Variants in DPRX observed in about 807,000 individuals in gnomAD.
DPRX encodes the protein divergent-paired related homeobox, also known as divergent paired-related homeobox.
A neutral mutation model predicts 8.4 loss-of-function variants in DPRX; 11 were observed. The observed-to-expected ratio is 1.31, with a 90% CI of 0.82 to 2.17. The LOEUF is 2.17. Among genes scored for constraint, DPRX ranks in the 30% most tolerant of loss-of-function variants. DPRX has a pLI of 0.00. For synonymous variants in DPRX, 72 were observed against 87.0 expected (o/e 0.83, Z 0.96); for missense variants, 211 against 236.7 (o/e 0.89, Z 0.71).
At chr19:53,621,968 G>A in the DPRX span, among the ~76,000 whole-genome samples, 3 of 151,982 alleles carry the variant, frequency 2.0e-5, no homozygotes, top group African/African-American at 4.8e-5. Flanking sequence ...CCCCCACGTC[G>A]TCTACATTTC....
the DPRX span, chr19:53,616,746 C>T: frequency 1.4e-5 from 20 of 1,412,944 alleles, no homozygotes; most frequent in Non-Finnish European, 1.7e-5. Flanking sequence ...AAGAGCGAAA[C>T]TCTGTCTCAA....
At chr19:53,607,730 G>A in the DPRX span, among the ~76,000 whole-genome samples, 6 of 149,248 alleles carry the variant, frequency 4.0e-5, no homozygotes, top group South Asian at 2.1e-4. Context: ...GTGGTGGCAC[G>A]CACCTGTAAT....
the DPRX span, chr19:53,606,553 T>C: frequency 0.71 from 107,353 of 151,920 alleles, 38,199 homozygotes; most frequent in East Asian, 0.84. The surrounding 1 kb of genome is among the most constrained non-coding windows in gnomAD (Gnocchi z 4.8). Flanking sequence ...GTAGGGGCAC[T>C]ATGAGGGTGA....
chr19:53,631,781 AGAAAT>A (rs2091093692), upstream of DPRX, among the ~76,000 whole-genome samples: 1 of 152,072 alleles, frequency 6.6e-6, no homozygotes, highest in African/African-American at 2.4e-5. Context: ...AAAAAAGAAA[AGAAAT>A]TGCAGCTTCT....
chr19:53,625,672 G>A, the DPRX span, among the ~76,000 whole-genome samples: 5 of 150,908 alleles, frequency 3.3e-5, no homozygotes, highest in South Asian at 4.2e-4. Context: ...GAGTCTCACC[G>A]TGTTGCCCAG....
the DPRX span, among the ~76,000 whole-genome samples, chr19:53,611,945 A>G: frequency 6.6e-6 from 1 of 152,006 alleles, no homozygotes; most frequent in Non-Finnish European, 1.5e-5. Flanking sequence ...TTAGCCGGGC[A>G]TGGTGGTGGG....
the DPRX span, among the ~76,000 whole-genome samples, chr19:53,609,466 C>CAA: frequency 3.1e-3 from 172 of 55,472 alleles, 7 homozygotes; most frequent in Non-Finnish European, 4.2e-3. Context: ...GACTCGGTCT[C>CAA]AAAAAAAAAA....
At chr19:53,624,614 C>T in the DPRX span, among the ~76,000 whole-genome samples, 3 of 151,716 alleles carry the variant, frequency 2.0e-5, no homozygotes, top group African/African-American at 7.3e-5. Flanking sequence ...GGGGTTTCAC[C>T]ATGTTGGCCA....
At chr19:53,623,189 C>T in the DPRX span, among the ~76,000 whole-genome samples, 1 of 151,934 alleles carries the variant, frequency 6.6e-6, no homozygotes, top group Non-Finnish European at 1.5e-5. Context: ...CGCCTGTAGT[C>T]CCAGCTATTC....
At chr19:53,608,282 G>GAT in the DPRX span, 1 of 141,516 alleles carries the variant, frequency 7.1e-6, no homozygotes, top group Non-Finnish European at 1.5e-5. Flanking sequence ...GGTGTCGTTG[G>GAT]ACCACCCCAG....
the DPRX span, among the ~76,000 whole-genome samples, chr19:53,614,561 A>T: frequency 1.1e-3 from 160 of 152,234 alleles, 1 homozygote; most frequent in African/African-American, 9.6e-4. Context: ...GAAAAAAAAA[A>T]TTTTTAATGA....
chr19:53,604,163 G>A, the DPRX span, among the ~76,000 whole-genome samples: 4 of 152,214 alleles, frequency 2.6e-5, no homozygotes, highest in East Asian at 1.9e-4. Flanking sequence ...GCTACCGGCC[G>A]TGTTAAGTCA....
chr19:53,610,151 C>CAA, the DPRX span, among the ~76,000 whole-genome samples: 4 of 77,732 alleles, frequency 5.1e-5, no homozygotes, highest in East Asian at 4.3e-4. Context: ...AACTGTGTCT[C>CAA]AAAAAAAAAA....
At chr19:53,620,612 G>T in the DPRX span, among the ~76,000 whole-genome samples, 5 of 150,408 alleles carry the variant, frequency 3.3e-5, no homozygotes, top group African/African-American at 1.2e-4. Flanking sequence ...TGATCTGTCT[G>T]CCTTGGCCTC....
the DPRX span, among the ~76,000 whole-genome samples, chr19:53,621,965 G>C: frequency 6.6e-6 from 1 of 151,994 alleles, no homozygotes; most frequent in Admixed American, 6.6e-5. Context: ...TTTCCCCCAC[G>C]TCGTCTACAT....
the DPRX span, among the ~76,000 whole-genome samples, chr19:53,617,506 C>T: frequency 2.8e-5 from 4 of 143,536 alleles, no homozygotes; most frequent in South Asian, 4.3e-4. Context: ...TGCGGTGAGC[C>T]GAGATCGCAC....
chr19:53,631,471 G>A (rs2091092469), upstream of DPRX, among the ~76,000 whole-genome samples: 1 of 152,002 alleles, frequency 6.6e-6, no homozygotes, highest in Non-Finnish European at 1.5e-5. Context: ...CCCCATTACG[G>A]AGCCTGGTCA....
chr19:53,618,148 A>C, the DPRX span, among the ~76,000 whole-genome samples: 423 of 135,136 alleles, frequency 3.1e-3, 6 homozygotes, highest in African/African-American at 0.012. Context: ...GTTTCAAAAA[A>C]AAAAAAAGAA....
the DPRX span, among the ~76,000 whole-genome samples, chr19:53,611,445 C>T: frequency 6.6e-6 from 1 of 151,878 alleles, no homozygotes; most frequent in Non-Finnish European, 1.5e-5. Context: ...GTTGCCTACA[C>T]TGGTCTTGGA....
Sources: allele counts gnomAD v4.1 joint callset (sites outside exome capture counted in the v4.1 genomes callset), GRCh38; gene constraint gnomAD v4.1.1; non-coding constraint Gnocchi (gnomAD v3.1); transcripts MANE v1.5; gene names NCBI Gene and HGNC (gene_info 2026-07-23, HGNC 2026-07-21).